PRR35: variants seen among roughly 807,000 people sequenced by gnomAD.
PRR35 encodes proline-rich protein 35.
Under a neutral mutation model 18.6 loss-of-function variants are expected in PRR35, and 14 were observed. That is an observed-to-expected ratio of 0.75 (90% CI 0.50 to 1.18). PRR35 has a LOEUF of 1.18. Ranked by LOEUF, PRR35 falls within the 50% of genes most tolerant of loss-of-function variation. The pLI, the probability that PRR35 is intolerant of heterozygous loss-of-function variation, is 0.00. For synonymous variants in PRR35, 425 were observed against 378.2 expected, an observed-to-expected ratio of 1.12 and a Z score of -1.43; for missense variants, 832 against 792.2, an observed-to-expected ratio of 1.05 and a Z score of -0.60.
Position 564,263 on chromosome 16 carries a change from G to T in PRR35, c.969G>T (p.Glu323Asp), listed in dbSNP as rs747946830. 8.9e-6 allele frequency: 14 copies of T among 1,578,438 alleles called. No individual in the cohort carries two copies. The South Asian group carries it at 1.1e-4, about 13-fold the overall frequency. Residue 323 changes from glutamate (E) to aspartate (D), a missense_variant, in exon 2 of 3, where the codon GAG becomes GAT. Coordinates refer to ENST00000409413, the MANE Select transcript of PRR35 (RefSeq NM_145270.3). ...TCACCCCCAGGGACCCAGGGCAGGA[G>T]GGGGAGCTGGAGCGGGCAGCCCAGA... The part of the protein sequence containing the change: ...PRVTPRDPGQ[E>D]GELERAAQSD...
chr16:564,074 G>A lies in PRR35; in HGVS notation c.780G>A (p.Pro260=), dbSNP rs755612764. 1.4e-5 allele frequency: 11 copies of A among 811,824 alleles called. No homozygotes were observed. Among genetic ancestry groups the A allele is most frequent in the East Asian group, 1.6e-4 (2 of 12,780 alleles). 50.3% of individuals were successfully genotyped at this position (811,824 alleles called of 1,614,324 possible). A position where few individuals can be genotyped will look rare whatever the true frequency, so the allele number is the denominator to read the frequency against. The change falls in exon 2 of 3, where the codon CCG becomes CCA. Residue 260 remains proline, a synonymous_variant. Transcript: ENST00000409413. ...PAVQPPQRPT[P]APRLYYPLLL... ...TGCAGCCCCCTCAGCGCCCCACCCC[G>A]GCCCCCCGCCTGTACTACCCGCTGC...
In PRR35 at chr16:564,629, C is replaced by T. The variant is rs754466571; in HGVS notation, c.1083-45C>T. 4.3e-5 allele frequency: 64 copies of T among 1,473,326 alleles called. 1 individual carries two copies. The South Asian group carries it at 4.6e-4, about 11-fold the overall frequency. The allele number at this position is 1,473,326 out of a possible 1,614,324, so 91.3% of individuals were successfully genotyped here. A position where few individuals can be genotyped will look rare whatever the true frequency, so the allele number is the denominator to read the frequency against. On this transcript the variant is annotated intron_variant, in intron 2 of 2. Transcript: ENST00000409413. Reference sequence around the variant, plus strand: ...AGGGGAGAGGGGCAGGGGCCGGGGGCGCTGTGGGGGCAGTGCGGCCTCCTG... The same window carrying T: ...AGGGGAGAGGGGCAGGGGCCGGGGGTGCTGTGGGGGCAGTGCGGCCTCCTG...
chr16:561,741 C>T (rs1264373314), intron 1 of PRR35: 2 of 985,328 alleles, frequency 2.0e-6, no homozygotes, highest in Non-Finnish European at 1.2e-6. Context: ...GTGCCCCAGC[C>T]CTACCCTGCT....
In PRR35 at chr16:560,554, C is replaced by A. The variant is rs1250541209; in HGVS notation, c.-147C>A. 1.0e-5 allele frequency: 10 copies of A among 983,056 alleles called. No individual in the cohort carries two copies. Among genetic ancestry groups the A allele is most frequent in the Non-Finnish European group, 1.2e-5 (10 of 828,972 alleles). The allele number at this position is 983,056 out of a possible 1,614,324, so 60.9% of individuals were successfully genotyped here. A position where few individuals can be genotyped will look rare whatever the true frequency, so the allele number is the denominator to read the frequency against. ...GCATCCCACCCCCAGAGCCCCAGCG[C>A]GTCCGCGGGGTCCGAGTCGCGGCCG... On this transcript the variant is annotated 5_prime_UTR_variant, in exon 1 of 3. Coordinates refer to ENST00000409413, the MANE Select transcript of PRR35 (RefSeq NM_145270.3).
At position 563,844 on chromosome 16, in the gene PRR35, G is replaced by T; in HGVS notation, c.550G>T (p.Glu184Ter). The T allele has an allele frequency of 6.6e-7, 1 of 1,525,886 alleles. No homozygotes were observed. Among genetic ancestry groups the T allele is most frequent in the Non-Finnish European group, 8.8e-7 (1 of 1,132,926 alleles). 94.5% of individuals were successfully genotyped at this position (1,525,886 alleles called of 1,614,324 possible). A position where few individuals can be genotyped will look rare whatever the true frequency, so the allele number is the denominator to read the frequency against. ...GAGDMASAGP[E>*]GSVPCYPPPA... ...GGGGGACATGGCCTCAGCAGGCCCT[G>T]AGGGCAGCGTCCCCTGCTATCCCCC... The change falls in exon 2 of 3, where the codon GAG (glutamate) becomes TAG (stop). Residue 184 changes from glutamate (E) to a stop codon, truncating the protein, a stop_gained. Transcript: ENST00000409413. LOFTEE classifies it high-confidence loss of function.
upstream of PRR35, chr16:560,296 C>T: frequency 1.1e-5 from 11 of 960,644 alleles, no homozygotes; most frequent in Non-Finnish European, 1.4e-5. Flanking sequence ...GGGTTCGGGC[C>T]GGGGGCTGCT....
chr16:560,784 A>C (rs1596372945), intron 1 of PRR35, 123 bp downstream of exon 1: 13 of 818,086 alleles, frequency 1.6e-5, no homozygotes, highest in Non-Finnish European at 1.9e-5. Flanking sequence ...GGTCCCCCCC[A>C]CCCTCTTCTC....
chr16:563,088 G>A (rs866371721), intron 1 of PRR35, among the ~76,000 whole-genome samples, 168 bp from the exon 2 acceptor site: 1 of 147,592 alleles, frequency 6.8e-6, no homozygotes, highest in African/African-American at 2.5e-5. Context: ...GGAAGTGCAC[G>A]TGGGGAGGAG....
chr16:564,482 G>A (rs2035497925), intron 2 of PRR35, 106 bp downstream of exon 2: 1 of 1,469,154 alleles, frequency 6.8e-7, no homozygotes, highest in Non-Finnish European at 9.1e-7. Context: ...CCTGAGCTCA[G>A]TCGCTGGGAA....
At chr16:560,082 G>A (rs1201618240), upstream of PRR35, among the ~76,000 whole-genome samples, 3 of 151,886 alleles carry the variant, frequency 2.0e-5, no homozygotes, top group Non-Finnish European at 4.4e-5. Flanking sequence ...GCACCCCCGC[G>A]GCAGCCTGCG....
chr16:561,007 T>G (rs1299037628), intron 1 of PRR35, among the ~76,000 whole-genome samples: 2 of 148,534 alleles, frequency 1.3e-5, no homozygotes, highest in African/African-American at 5.2e-5. Flanking sequence ...TCCTGCCCTG[T>G]GGGGGTGCCT....
rs2035489695 is a variant in PRR35, at chr16:564,129, G to A, written c.835G>A (p.Gly279Ser). The A allele has an allele frequency of 1.3e-6, 2 of 1,575,970 alleles. No homozygotes were observed. The highest frequency in any genetic ancestry group is 1.3e-5 in the African/African-American group (1 of 74,116). Residue 279 changes from glycine (G) to serine (S), a missense_variant, in exon 2 of 3, where the codon GGC becomes AGC. By Grantham distance (56) the Gly-to-Ser change is moderately conservative (BLOSUM62 0). Transcript: ENST00000409413. ...LLEHTLGLPA[G>S]KAALAKAPVS... ...GGAGCACACTCTGGGGCTGCCAGCA[G>A]GCAAAGCTGCCCTTGCCAAGGCCCC...
upstream of PRR35, among the ~76,000 whole-genome samples, chr16:559,935 G>A (rs949196947): frequency 4.6e-5 from 7 of 151,654 alleles, no homozygotes; most frequent in African/African-American, 7.3e-5. Context: ...GCCCCCAGGG[G>A]CCCTGGCTCG....
In PRR35 at chr16:564,896, C is replaced by A; in HGVS notation, c.1305C>A (p.Pro435=). 6.3e-7 allele frequency: 1 copy of A among 1,589,522 alleles called. No individual in the cohort carries two copies. Among genetic ancestry groups the A allele is most frequent in the Non-Finnish European group, 8.5e-7 (1 of 1,172,224 alleles). The change falls in exon 3 of 3, where the codon CCC becomes CCA. Residue 435 remains proline, a synonymous_variant. Transcript: ENST00000409413. ...CCGCGGGGGGCCTGGCCCCGAGACCCCTGCGGGAGCAGCTGGGCAAGATCC... is the reference window on the plus strand; with the variant it reads ...CCGCGGGGGGCCTGGCCCCGAGACCACTGCGGGAGCAGCTGGGCAAGATCC... ...LGPAGGLAPR[P]LREQLGKIRL... is the part of the protein sequence containing the mutation.
chr16:564,689 C>G lies in PRR35; in HGVS notation c.1098C>G (p.Ser366=), dbSNP rs1250088948. The stretch of plus-strand genomic sequence containing the variant: ...CACCCCACAGCCTGCCCACCGGCTC[C>G]TCTGTGATGCTGTGGCCTGAGGACG... ...FCSRSSLPTG[S]SVMLWPEDGD... Residue 366 remains serine (S), a synonymous_variant, in exon 3 of 3, where the codon TCC becomes TCG. Transcript: ENST00000409413. 1.3e-6 allele frequency: 2 copies of G among 1,530,846 alleles called. No homozygotes were observed. Among genetic ancestry groups the G allele is most frequent in the Non-Finnish European group, 1.7e-6 (2 of 1,144,806 alleles). 94.8% of individuals were successfully genotyped at this position (1,530,846 alleles called of 1,614,324 possible). A position where few individuals can be genotyped will look rare whatever the true frequency, so the allele number is the denominator to read the frequency against.
intron 1 of PRR35, among the ~76,000 whole-genome samples, chr16:562,886 G>A (rs576999937): frequency 2.5e-4 from 38 of 152,300 alleles, no homozygotes; most frequent in African/African-American, 4.6e-4. Context: ...AGGGTCAACC[G>A]ATAAAATAAA....
At chr16:560,264 G>C, upstream of PRR35, 1 of 808,784 alleles carries the variant, frequency 1.2e-6, no homozygotes, top group Non-Finnish European at 1.5e-6. Flanking sequence ...GCGGCGGGGG[G>C]CGCGCGGGCG....
chr16:564,930 C>T lies in PRR35; in HGVS notation c.1339C>T (p.Leu447=). The T allele has an allele frequency of 6.2e-7, 1 of 1,603,240 alleles. No homozygotes were observed. The highest frequency in any genetic ancestry group is 8.5e-7 in the Non-Finnish European group (1 of 1,177,764). Residue 447 remains leucine (L), a synonymous_variant, in exon 3 of 3, where the codon CTG becomes TTG. Transcript: ENST00000409413. The part of the protein sequence containing the change: ...REQLGKIRLE[L]LTIHQALEQA... Reference sequence around the variant, plus strand: ...GCAGCTGGGCAAGATCCGCCTGGAGCTGCTCACCATTCACCAGGCGCTGGA... The same window carrying T: ...GCAGCTGGGCAAGATCCGCCTGGAGTTGCTCACCATTCACCAGGCGCTGGA...
intron 1 of PRR35, 131 bp from the exon 2 acceptor site, chr16:563,125 T>C: frequency 1.1e-6 from 1 of 890,582 alleles, no homozygotes; most frequent in Non-Finnish European, 1.6e-6. Context: ...GGGGGGCACG[T>C]TGCAGGGCAG....
Sources: gnomAD v4.1 joint callset for allele counts (sites outside exome capture counted in the v4.1 genomes callset) on GRCh38, gnomAD v4.1.1 for gene constraint, MANE v1.5 for transcripts, NCBI Gene and HGNC (gene_info 2026-07-23, HGNC 2026-07-21) for gene names.